Variants in KBTBD11 observed in about 807,000 individuals in gnomAD.
KBTBD11 encodes kelch repeat and BTB domain containing 11.
For missense variants in KBTBD11, 1,390 were observed against 1,001.8 expected (o/e 1.39, Z -5.23); for synonymous variants, 747 against 499.0 (o/e 1.50, Z -6.63).
Position 2,001,682 on chromosome 8 carries a change from T to G in KBTBD11, c.490T>G (p.Tyr164Asp). ...HKAVLAARSD[Y>D]FRARASRDVL... ...GGCGGTGCTGGCGGCGCGCAGCGAC[T>G]ACTTCCGCGCGCGCGCGTCGCGGGA... Residue 164 changes from tyrosine to aspartate, a missense_variant, in exon 2 of 2, where the codon TAC becomes GAC. Coordinates refer to ENST00000320248, the MANE Select transcript of KBTBD11 (RefSeq NM_014867.3). The G allele has an allele frequency of 2.8e-6, 4 of 1,447,830 alleles. No homozygotes were observed. The highest frequency in any genetic ancestry group is 3.6e-6 in the Non-Finnish European group (4 of 1,105,236). The allele number at this position is 1,447,830 out of a possible 1,614,324, so 89.7% of individuals were successfully genotyped here.
chr8:1,992,619 C>A (rs1312609791), intron 1 of KBTBD11, among the ~76,000 whole-genome samples: 1 of 151,832 alleles, frequency 6.6e-6, no homozygotes, highest in Admixed American at 6.6e-5. Flanking sequence ...AAAAAAAATT[C>A]ATCCCAATCC....
In KBTBD11 at chr8:2,001,551, C is replaced by A; in HGVS notation, c.359C>A (p.Pro120His). ...PRVWLEDPASPEEPGEPAPVP... is the reference protein window; with the variant it reads ...PRVWLEDPASHEEPGEPAPVP... ...GTTTGGCTTGAGGACCCCGCGTCCCCCGAGGAGCCCGGGGAGCCCGCGCCC... is the reference window on the plus strand; with the variant it reads ...GTTTGGCTTGAGGACCCCGCGTCCCACGAGGAGCCCGGGGAGCCCGCGCCC... The change falls in exon 2 of 2, where the codon CCC (proline) becomes CAC (histidine). Residue 120 changes from proline to histidine, a missense_variant. Coordinates refer to ENST00000320248, the MANE Select transcript of KBTBD11 (RefSeq NM_014867.3). 1 of 1,437,364 alleles carries A rather than the reference C, an allele frequency of 7.0e-7. No individual in the cohort carries two copies. The allele number at this position is 1,437,364 out of a possible 1,614,324, so 89.0% of individuals were successfully genotyped here. A position where few individuals can be genotyped will look rare whatever the true frequency, so the allele number is the denominator to read the frequency against.
chr8:1,979,743 G>T (rs542675892), intron 1 of KBTBD11, among the ~76,000 whole-genome samples: 95 of 128,976 alleles, frequency 7.4e-4, no homozygotes, highest in Admixed American at 1.3e-3. Context: ...GTTCAGAAAG[G>T]GAGAAGTGTG....
At position 1,973,747 on chromosome 8, in the gene KBTBD11, G is replaced by C. The variant is rs1284446471; in HGVS notation, c.-1097G>C. ...CCGCGCGGCCTGGAGAGGCGGAGAG[G>C]CCTGTCCACCGCCCCCTCTGCCGCC... On this transcript the variant is annotated 5_prime_UTR_variant, in exon 1 of 2. Coordinates refer to ENST00000320248, the MANE Select transcript of KBTBD11 (RefSeq NM_014867.3). The C allele has an allele frequency of 4.1e-6, 4 of 983,688 alleles. No homozygotes were observed. The African/African-American group carries it at 7.0e-5, about 17-fold the overall frequency. 60.9% of individuals were successfully genotyped at this position (983,688 alleles called of 1,614,324 possible). A position where few individuals can be genotyped will look rare whatever the true frequency, so the allele number is the denominator to read the frequency against.
intron 1 of KBTBD11, among the ~76,000 whole-genome samples, chr8:1,993,363 ATCCG>A (rs1165431763): frequency 0.058 from 8,300 of 142,948 alleles, 746 homozygotes; most frequent in African/African-American, 0.19. Context: ...CCATCGGTCC[ATCCG>A]TCCGTCCGTC....
At position 1,977,556 on chromosome 8, in the gene KBTBD11, C is replaced by T. The variant is rs138666876; in HGVS notation, c.-909+3621C>T. Among the ~76,000 whole-genome samples, 54 of 152,224 alleles carry T rather than the reference C, an allele frequency of 3.5e-4. No homozygotes were observed. In the East Asian group the frequency reaches 9.7e-3, roughly 27 times the overall value. ...TATTATATTTTGAGATGGAGTCTGG[C>T]TCTGTCATCCAGGCTGGAATCCAGT... On this transcript the variant is annotated intron_variant, in intron 1 of 1. Transcript: ENST00000320248.
intron 1 of KBTBD11, among the ~76,000 whole-genome samples, chr8:1,987,626 C>T (rs1017036467): frequency 2.0e-5 from 3 of 152,132 alleles, no homozygotes; most frequent in African/African-American, 7.2e-5. Context: ...GGCTGCTCTC[C>T]TGCTCCTCTC....
At chr8:1,989,559 A>T (rs957819908) in intron 1 of KBTBD11, among the ~76,000 whole-genome samples, 1 of 152,208 alleles carries the variant, frequency 6.6e-6, no homozygotes, top group Admixed American at 6.5e-5. Flanking sequence ...TCCATACCGC[A>T]TGGATCTCAG....
At chr8:1,974,631 G>A (rs1483294192) in intron 1 of KBTBD11, 42 of 985,088 alleles carry the variant, frequency 4.3e-5, no homozygotes, top group Non-Finnish European at 4.8e-5. Context: ...CGCGGCTCCC[G>A]AGTCCTGCCG....
chr8:1,981,698 C>G (rs1044875384), intron 1 of KBTBD11, among the ~76,000 whole-genome samples: 3 of 152,218 alleles, frequency 2.0e-5, no homozygotes, highest in Non-Finnish European at 2.9e-5. Flanking sequence ...CTCTGCCTCT[C>G]CCACTCTCCC....
chr8:1,988,980 G>C lies in KBTBD11; in HGVS notation c.-908-11305G>C, dbSNP rs545373677. Among the ~76,000 whole-genome samples the C allele has an allele frequency of 9.9e-5, 15 of 152,054 alleles. 1 individual carries two copies. The South Asian group carries it at 2.5e-3, about 25-fold the overall frequency. On this transcript the variant is annotated intron_variant, in intron 1 of 1. Transcript: ENST00000320248. ...CGATTCCAGCTGAGCGTCCTGGTAGGACACTCAACTTTGATTTCAGTTTTA... is the reference window on the plus strand; with the variant it reads ...CGATTCCAGCTGAGCGTCCTGGTAGCACACTCAACTTTGATTTCAGTTTTA...
rs1817312425 is a variant in KBTBD11 at position 2,000,785 on chromosome 8, C to A, written c.-408C>A. ...CGTTGCAAAGAGGGATAGCTAGTCA[C>A]TCAGGCTGCAGAGAGAGACACCTGG... On this transcript the variant is annotated 5_prime_UTR_variant, in exon 2 of 2. Coordinates refer to ENST00000320248, the MANE Select transcript of KBTBD11 (RefSeq NM_014867.3). The A allele has an allele frequency of 1.1e-5, 2 of 178,810 alleles. No individual in the cohort carries two copies. Among genetic ancestry groups the A allele is most frequent in the African/African-American group, 4.7e-5 (2 of 42,534 alleles). 11.1% of individuals were successfully genotyped at this position (178,810 alleles called of 1,614,324 possible).
chr8:2,002,019 T>C lies in KBTBD11; in HGVS notation c.827T>C (p.Leu276Pro). The C allele has an allele frequency of 1.4e-6, 2 of 1,402,274 alleles. No homozygotes were observed. Among genetic ancestry groups the C allele is most frequent in the Non-Finnish European group, 9.4e-7 (1 of 1,066,918 alleles). 86.9% of individuals were successfully genotyped at this position (1,402,274 alleles called of 1,614,324 possible). ...CGCGAGCCCGCCGTGTTCGGCCGCC[T>C]GTCGGGCGCAGAGCGGGACCTGCTG... ...VLREPAVFGR[L>P]SGAERDLLLR... The change falls in exon 2 of 2, where the codon CTG becomes CCG. Residue 276 changes from leucine to proline, a missense_variant. Transcript: ENST00000320248. This position sits in a 1 kb window ranked among gnomAD's most constrained non-coding sequence, Gnocchi z 4.1.
chr8:1,992,794 T>C (rs1245711802), intron 1 of KBTBD11, among the ~76,000 whole-genome samples: 2 of 152,242 alleles, frequency 1.3e-5, no homozygotes, highest in Admixed American at 1.3e-4. Flanking sequence ...CTAGCTGTAA[T>C]CCAACATCCA....
intron 1 of KBTBD11, among the ~76,000 whole-genome samples, chr8:1,996,022 TCAAAAAA>T (rs985681636): frequency 5.7e-4 from 87 of 152,270 alleles, no homozygotes; most frequent in Non-Finnish European, 1.1e-3. Context: ...AGACCCTGTC[TCAAAAAA>T]CAAACAAACA....
At chr8:1,978,870 T>C (rs533744541) in intron 1 of KBTBD11, among the ~76,000 whole-genome samples, 1 of 152,168 alleles carries the variant, frequency 6.6e-6, no homozygotes, top group South Asian at 2.1e-4. Flanking sequence ...CAGGAAGTCA[T>C]CATGGAAGTC....
Position 2,003,383 on chromosome 8 carries a change from C to T in KBTBD11, c.*319C>T. On this transcript the variant is annotated 3_prime_UTR_variant, in exon 2 of 2. Coordinates refer to ENST00000320248, the MANE Select transcript of KBTBD11 (RefSeq NM_014867.3). ...TGGGGGTTCCTGAGGCAGCCTGCAG[C>T]CGGCCCCGGGGTGTCCCGAACCCCG... is the stretch of plus-strand genomic sequence containing the variant. The T allele has an allele frequency of 3.7e-6, 1 of 267,346 alleles. No individual in the cohort carries two copies. Among genetic ancestry groups the T allele is most frequent in the Admixed American group, 5.6e-5 (1 of 17,860 alleles). 16.6% of individuals were successfully genotyped at this position (267,346 alleles called of 1,614,324 possible).
chr8:1,996,319 T>C lies in KBTBD11; in HGVS notation c.-908-3966T>C, dbSNP rs576712999. Among the ~76,000 whole-genome samples, 642 of 151,988 alleles carry C rather than the reference T, an allele frequency of 4.2e-3. 8 individuals are homozygous for C. Among genetic ancestry groups the C allele is most frequent in the African/African-American group, 0.015 (633 of 41,456 alleles). ...TTCACTCTTGTTGCCCAGGCTGGAG[T>C]GCAATGGCGTGATCTCGGCTCACTG... On this transcript the variant is annotated intron_variant, in intron 1 of 1. Coordinates refer to ENST00000320248, the MANE Select transcript of KBTBD11 (RefSeq NM_014867.3).
Position 2,003,058 on chromosome 8 carries a change from C to A in KBTBD11, c.1866C>A (p.Ala622=). 7.9e-7 allele frequency: 1 copy of A among 1,264,232 alleles called. No homozygotes were observed. Among genetic ancestry groups the A allele is most frequent in the Non-Finnish European group, 1.0e-6 (1 of 1,001,686 alleles). 78.3% of individuals were successfully genotyped at this position (1,264,232 alleles called of 1,614,324 possible). The change falls in exon 2 of 2, where the codon GCC becomes GCA. Residue 622 remains alanine (A), a synonymous_variant. Coordinates refer to ENST00000320248, the MANE Select transcript of KBTBD11 (RefSeq NM_014867.3). ...AGCCGCCCCGAGGGGAGCAGGGCGC[C>A]CCGTAGGCCGGCGGGGTCGGCGGGC... ...PEKPPRGEQG[A]P
Sources: allele counts gnomAD v4.1 joint callset (sites outside exome capture counted in the v4.1 genomes callset), GRCh38; gene constraint gnomAD v4.1.1; non-coding constraint Gnocchi (gnomAD v3.1); transcripts MANE v1.5; gene names NCBI Gene and HGNC (gene_info 2026-07-23, HGNC 2026-07-21).